The following MYCBP2 variants were observed in gnomAD, a reference collection of about 807,000 sequenced individuals.
The protein encoded by MYCBP2 is E3 ubiquitin-protein ligase MYCBP2.
Under a neutral mutation model 525.3 loss-of-function variants are expected in MYCBP2, and 120 were observed. The ratio of observed to expected loss-of-function variants is 0.23; its 90% confidence interval spans 0.20 to 0.27. MYCBP2 has a LOEUF of 0.27. Ranked by LOEUF, MYCBP2 falls within the 10% of genes least tolerant of loss-of-function variation. The pLI is 1.00. For missense variants in MYCBP2, 4,149 were observed against 5,657.1 expected (o/e 0.73, Z 8.55); for synonymous variants, 1,894 against 1,955.8 (o/e 0.97, Z 0.83).
Position 77,296,659 on chromosome 13 carries a change from T to C in MYCBP2, c.318A>G (p.Leu106=). ...GTTTTCTTTTCAATTTCTTCTTATT[T>C]AAAATTTTCTTATTCCTAAATATTA... ...GHPASRNKKI[L]NKKKLKRKQK... The change falls in exon 2 of 83, where the codon TTA becomes TTG. Residue 106 remains leucine (L), a synonymous_variant. Coordinates refer to ENST00000544440, the MANE Select transcript of MYCBP2 (RefSeq NM_015057.5). 6.8e-7 allele frequency: 1 copy of C among 1,464,208 alleles called. No homozygotes were observed. The highest frequency in any genetic ancestry group is 9.3e-7 in the Non-Finnish European group (1 of 1,075,096). The allele number at this position is 1,464,208 out of a possible 1,614,324, so 90.7% of individuals were successfully genotyped here.
At chr13:77,252,984 T>A (rs2071485569) in intron 14 of MYCBP2, among the ~76,000 whole-genome samples, 1 of 152,092 alleles carries the variant, frequency 6.6e-6, no homozygotes, top group African/African-American at 2.4e-5. Context: ...AAGCTGGTTC[T>A]AATTTATATG....
At chr13:77,284,431 CACCTCAA>C (rs955631703) in intron 3 of MYCBP2, among the ~76,000 whole-genome samples, 1 of 152,144 alleles carries the variant, frequency 6.6e-6, no homozygotes, top group Admixed American at 6.5e-5. Context: ...CAAATCCCAT[CACCTCAA>C]ACCTTAAGAG....
intron 18 of MYCBP2, among the ~76,000 whole-genome samples, chr13:77,232,749 G>C (rs1413179835): frequency 6.6e-6 from 1 of 152,032 alleles, no homozygotes; most frequent in African/African-American, 2.4e-5. Flanking sequence ...TTAATATACT[G>C]AATTTAGTAA....
chr13:77,117,975 C>T (rs1312994272), intron 55 of MYCBP2, among the ~76,000 whole-genome samples: 1 of 151,964 alleles, frequency 6.6e-6, no homozygotes, highest in Non-Finnish European at 1.5e-5. Context: ...TCATAGATAC[C>T]AAATTCACTT....
chr13:77,269,903 A>T, intron 7 of MYCBP2, 89 bp downstream of exon 7: 1 of 968,164 alleles, frequency 1.0e-6, no homozygotes, highest in Non-Finnish European at 1.6e-6. Flanking sequence ...ATTTCTGTTT[A>T]AATAGAAGTG....
intron 55 of MYCBP2, 48 bp downstream of exon 55, chr13:77,121,325 A>G: frequency 7.0e-7 from 1 of 1,421,428 alleles, no homozygotes; most frequent in Non-Finnish European, 9.3e-7. Context: ...GAAGGTAATA[A>G]AAAATATTGA....
In MYCBP2 at chr13:77,243,096, T is replaced by A; in HGVS notation, c.2592A>T (p.Gln864His). Residue 864 changes from glutamine to histidine, a missense_variant, in exon 17 of 83, where the codon CAA (glutamine) becomes CAT (histidine). This residue lies in a region of MYCBP2 where 620 missense variants were observed against 795.5 expected (regional missense o/e 0.78). Transcript: ENST00000544440. The stretch of plus-strand genomic sequence containing the variant: ...CTAATCTGTGCCTTCTGATTACACG[T>A]TGCCGTTTTTCTTCTTGTCGTAACT... The part of the protein sequence containing the change: ...HLQLRQEEKR[Q>H]RVIRRHRLEE... 6.2e-7 allele frequency: 1 copy of A among 1,614,130 alleles called. No individual in the cohort carries two copies. The highest frequency in any genetic ancestry group is 8.5e-7 in the Non-Finnish European group (1 of 1,180,010).
intron 38 of MYCBP2, among the ~76,000 whole-genome samples, chr13:77,170,066 A>C (rs1292799092): frequency 1.3e-5 from 2 of 152,190 alleles, no homozygotes; most frequent in African/African-American, 2.4e-5. Context: ...ATTTTAAATT[A>C]CCATTCTGGC....
chr13:77,262,420 T>A (rs1017940855), intron 10 of MYCBP2, among the ~76,000 whole-genome samples: 3 of 152,064 alleles, frequency 2.0e-5, no homozygotes, highest in African/African-American at 7.2e-5. Context: ...CTTGAATTAA[T>A]GTATAAATGC....
At chr13:77,230,260 TCA>T (rs1229612406) in intron 18 of MYCBP2, among the ~76,000 whole-genome samples, 1 of 152,124 alleles carries the variant, frequency 6.6e-6, no homozygotes, top group East Asian at 1.9e-4. Context: ...CACAAAAAAG[TCA>T]CAGTCTAAAA....
At chr13:77,139,472 C>G in intron 51 of MYCBP2, 136 bp from the exon 52 acceptor site, 1 of 881,938 alleles carries the variant, frequency 1.1e-6, no homozygotes, top group Non-Finnish European at 1.7e-6. Flanking sequence ...GAAAGTAAGT[C>G]TGAGAGACCC....
chr13:77,216,674 T>G (rs1373031263), intron 21 of MYCBP2, among the ~76,000 whole-genome samples: 4 of 152,182 alleles, frequency 2.6e-5, no homozygotes. Flanking sequence ...GATTCTATTT[T>G]TCAAAACAGT....
rs946929031 is a variant in MYCBP2 at position 77,228,868 on chromosome 13, G to C, written c.2738-3314C>G. On this transcript the variant is annotated intron_variant, in intron 18 of 82. Transcript: ENST00000544440. Reference sequence around the variant, plus strand: ...AGAAAAAAGAGGGTTCAGTATCTAAGGGACTCTAACTTCTAATTTTAATTT... The same window carrying C: ...AGAAAAAAGAGGGTTCAGTATCTAACGGACTCTAACTTCTAATTTTAATTT... 3.3e-5 allele frequency among the ~76,000 whole-genome samples: 5 copies of C among 152,052 alleles called. 1 individual carries two copies. The highest frequency in any genetic ancestry group is 1.3e-4 in the Admixed American group (2 of 15,266).
chr13:77,131,973 G>C (rs1193928051), intron 52 of MYCBP2, among the ~76,000 whole-genome samples: 6 of 152,126 alleles, frequency 3.9e-5, no homozygotes, highest in Non-Finnish European at 8.8e-5. Context: ...CCTTGTGTTA[G>C]ATAAGCACAA....
intron 17 of MYCBP2, 114 bp downstream of exon 17, chr13:77,242,945 T>A: frequency 1.2e-6 from 1 of 847,330 alleles, no homozygotes; most frequent in East Asian, 2.5e-5. Context: ...TATTGCTAAT[T>A]TTAATTTTGA....
rs1280045072 is a variant in MYCBP2, at chr13:77,144,426, A to G, written c.7303+19T>C. 5 of 1,537,854 alleles carry G rather than the reference A, an allele frequency of 3.3e-6. No individual in the cohort carries two copies. The highest frequency in any genetic ancestry group is 3.6e-6 in the Non-Finnish European group (4 of 1,111,588). ...AGTTATTTGAAGTAAGTAGTAGCTC[A>G]TGGCTTTAAAGAAAATACCGATTTC... On this transcript the variant is annotated intron_variant, in intron 49 of 82. Coordinates refer to ENST00000544440, the MANE Select transcript of MYCBP2 (RefSeq NM_015057.5).
In MYCBP2 at chr13:77,273,525, C is replaced by T; in HGVS notation, c.892G>A (p.Ala298Thr). 6.2e-7 allele frequency: 1 copy of T among 1,611,898 alleles called. No individual in the cohort carries two copies. The change falls in exon 5 of 83, where the codon GCC becomes ACC. Residue 298 changes from alanine to threonine, a missense_variant. Coordinates refer to ENST00000544440, the MANE Select transcript of MYCBP2 (RefSeq NM_015057.5). ...SWGETGRTLQ[A>T]ISAILTNNGS... ...TTGTTGGTGAGGATAGCAGAGATGG[C>T]CTGAAGTGTCCTTCCTGTTTCTCCC...
rs761542128 is a variant in MYCBP2 at position 77,110,552 on chromosome 13, T to A, written c.8140+10821A>T. ...TTTGCCTTGTGATCTTTTTGCCCTT[T>A]AAGGCATGTGATCTTTGTGACCTAC... On this transcript the variant is annotated intron_variant, in intron 55 of 82. Transcript: ENST00000544440. 3.3e-5 allele frequency among the ~76,000 whole-genome samples: 5 copies of A among 152,184 alleles called. No homozygotes were observed. The East Asian group carries it at 9.6e-4, about 29-fold the overall frequency.
chr13:77,084,267 T>TA (rs2043829154), intron 62 of MYCBP2, among the ~76,000 whole-genome samples: 1 of 152,208 alleles, frequency 6.6e-6, no homozygotes, highest in Non-Finnish European at 1.5e-5. Context: ...AAGAAGCTGC[T>TA]ACTCCACAGC....
Sources: gnomAD v4.1 joint callset for allele counts (sites outside exome capture counted in the v4.1 genomes callset) on GRCh38, gnomAD v4.1.1 for gene constraint, gnomAD v4.1.1 regional missense constraint, MANE v1.5 for transcripts, NCBI Gene and HGNC (gene_info 2026-07-23, HGNC 2026-07-21) for gene names.